EP300: variants seen among roughly 807,000 people sequenced by gnomAD.
EP300 encodes histone acetyltransferase p300.
A neutral mutation model predicts 264.0 loss-of-function variants in EP300; 31 were observed. The observed-to-expected ratio is 0.12, with a 90% CI of 0.09 to 0.16. The LOEUF is 0.16. Ranked by LOEUF, EP300 falls within the 10% of genes least tolerant of loss-of-function variation. EP300 has a pLI of 1.00. For missense variants in EP300, 2,766 were observed against 3,052.9 expected (o/e 0.91, Z 2.21); for synonymous variants, 1,340 against 1,045.4 (o/e 1.28, Z -5.44).
At chr22:41,121,338 T>TA (rs1268847407) in intron 2 of EP300, among the ~76,000 whole-genome samples, 2 of 152,132 alleles carry the variant, frequency 1.3e-5, no homozygotes, top group African/African-American at 4.8e-5. Context: ...CAAATAACTA[T>TA]AGTGTAGCAG....
rs148522826 is a variant in EP300, at chr22:41,122,976, T to C, written c.730-2888T>C. On this transcript the variant is annotated intron_variant, in intron 2 of 30. Coordinates refer to ENST00000263253, the MANE Select transcript of EP300 (RefSeq NM_001429.4). ...GCTTGAGCCCAGAGGTTGGGAATTA[T>C]AATGAGCTATGATAATGCAACTGCA... Among the ~76,000 whole-genome samples the C allele has an allele frequency of 4.3e-3, 652 of 152,220 alleles. 3 individuals are homozygous for C. Among genetic ancestry groups the C allele is most frequent in the Non-Finnish European group, 7.5e-3 (509 of 67,998 alleles).
intron 4 of EP300, among the ~76,000 whole-genome samples, chr22:41,128,727 C>A (rs535123039): frequency 1.3e-5 from 2 of 151,762 alleles, no homozygotes; most frequent in African/African-American, 2.4e-5. Context: ...TGGCCAGGAT[C>A]GTCTCAATCT....
intron 7 of EP300, 22 bp from the exon 8 acceptor site, chr22:41,137,631 A>G (rs1330939953): frequency 1.2e-6 from 2 of 1,614,108 alleles, no homozygotes; most frequent in Non-Finnish European, 1.7e-6. Flanking sequence ...CACTAAAACT[A>G]TTTGGTGACC....
In EP300 at chr22:41,178,446, T is replaced by C. The variant is rs919535545; in HGVS notation, c.6735T>C (p.Leu2245=). The C allele has an allele frequency of 1.2e-6, 2 of 1,613,768 alleles. No homozygotes were observed. The highest frequency in any genetic ancestry group is 1.3e-5 in the African/African-American group (1 of 74,796). ...GAAATATGGGACAGATAGGCCAGCT[T>C]CCCCAGGCCTTGGGAGCAGAGGCAG... ...QQGNMGQIGQ[L]PQALGAEAGA... Residue 2245 remains leucine (L), a synonymous_variant, in exon 31 of 31, where the codon CTT becomes CTC. Coordinates refer to ENST00000263253, the MANE Select transcript of EP300 (RefSeq NM_001429.4).
chr22:41,163,030 C>A (rs574653508), intron 21 of EP300, among the ~76,000 whole-genome samples: 22 of 152,270 alleles, frequency 1.4e-4, no homozygotes, highest in African/African-American at 4.6e-4. Context: ...TGCAGTGAGG[C>A]CTTTTAGATC....
chr22:41,174,648 C>T (rs2059189973), intron 29 of EP300: 1 of 151,756 alleles, frequency 6.6e-6, no homozygotes, highest in African/African-American at 2.4e-5. Flanking sequence ...AGAGTAATTC[C>T]TCTCAGGGTT....
chr22:41,099,438 T>C (rs1229242856), intron 1 of EP300, among the ~76,000 whole-genome samples: 1 of 152,198 alleles, frequency 6.6e-6, no homozygotes, highest in African/African-American at 2.4e-5. Flanking sequence ...TGAATATAAT[T>C]GTCATCAGTC....
At chr22:41,143,003 T>C (rs552571516) in intron 10 of EP300, among the ~76,000 whole-genome samples, 2 of 152,220 alleles carry the variant, frequency 1.3e-5, no homozygotes, top group Non-Finnish European at 2.9e-5. Context: ...TATTCTAATG[T>C]CAGTATAAAC....
intron 19 of EP300, chr22:41,159,070 G>T (rs758370602): frequency 6.5e-6 from 1 of 154,028 alleles, no homozygotes; most frequent in Non-Finnish European, 1.4e-5. Context: ...AATAAACGAG[G>T]CACCTCTGCC....
chr22:41,178,032 C>T lies in EP300; in HGVS notation c.6321C>T (p.Pro2107=). 2 of 1,614,020 alleles carry T rather than the reference C, an allele frequency of 1.2e-6. No individual in the cohort carries two copies. Among genetic ancestry groups the T allele is most frequent in the South Asian group, 1.1e-5 (1 of 91,070 alleles). ...CCATCCCTGGGCAGCCTGGCATGCC[C>T]CAGGGGCAGCCAGGGCTACAGCCAC... ...PQPIPGQPGM[P]QGQPGLQPPT... Residue 2107 remains proline, a synonymous_variant, in exon 31 of 31, where the codon CCC becomes CCT. Transcript: ENST00000263253.
chr22:41,171,068 A>C (rs1487419537), intron 27 of EP300, among the ~76,000 whole-genome samples: 1 of 151,334 alleles, frequency 6.6e-6, no homozygotes, highest in African/African-American at 2.4e-5. Flanking sequence ...AAAATTTTTC[A>C]ATATAAGAAA....
intron 1 of EP300, among the ~76,000 whole-genome samples, chr22:41,108,249 T>TC (rs199973884): frequency 0.015 from 1,967 of 130,028 alleles, 29 homozygotes; most frequent in African/African-American, 0.068. Context: ...TTTTTCTTTT[T>TC]TTTTTTTTTT....
intron 8 of EP300, 118 bp downstream of exon 8, chr22:41,137,908 T>G: frequency 1.5e-6 from 2 of 1,358,500 alleles, no homozygotes; most frequent in Non-Finnish European, 1.0e-6. Context: ...GCATGGAGGT[T>G]GATGTTGATA....
At chr22:41,163,367 G>A (rs1276677277) in intron 21 of EP300, among the ~76,000 whole-genome samples, 5 of 145,778 alleles carry the variant, frequency 3.4e-5, no homozygotes, top group South Asian at 2.2e-4. Context: ...CCTGGGAGGC[G>A]GAGCTTGCAG....
intron 6 of EP300, among the ~76,000 whole-genome samples, chr22:41,132,797 T>C (rs974092020): frequency 2.0e-5 from 3 of 152,182 alleles, no homozygotes; most frequent in African/African-American, 7.2e-5. Flanking sequence ...TCCTGTTTTA[T>C]GACTGAGAGG....
At chr22:41,144,781 G>A (rs116441152) in intron 10 of EP300, among the ~76,000 whole-genome samples, 73 of 152,154 alleles carry the variant, frequency 4.8e-4, no homozygotes, top group African/African-American at 1.5e-3. Context: ...CATCATATGG[G>A]GCAAATGTGG....
chr22:41,114,123 G>A (rs752589733), intron 1 of EP300, among the ~76,000 whole-genome samples: 1 of 152,134 alleles, frequency 6.6e-6, no homozygotes, highest in Non-Finnish European at 1.5e-5. Context: ...ATATTAAGCA[G>A]GCATTTTTGA....
chr22:41,171,963 T>C (rs1446107066), intron 27 of EP300, among the ~76,000 whole-genome samples: 3 of 152,206 alleles, frequency 2.0e-5, no homozygotes, highest in Non-Finnish European at 4.4e-5. Context: ...ATATAGGTTG[T>C]CTCATGATAC....
chr22:41,149,034 T>TG lies in EP300; in HGVS notation c.2242-4_2242-3insG. 6.2e-7 allele frequency: 1 copy of TG among 1,612,868 alleles called. No homozygotes were observed. The highest frequency in any genetic ancestry group is 2.2e-5 in the East Asian group (1 of 44,884). ...TGGTGATTTGTGTTTTTTTTTTTTT[T>TG]CAGCCTATGGGCTATGGGCCTCGTA... On this transcript the variant is annotated splice_polypyrimidine_tract_variant and splice_region_variant and intron_variant, in intron 12 of 30. Transcript: ENST00000263253.
Sources: gnomAD v4.1 joint callset for allele counts (sites outside exome capture counted in the v4.1 genomes callset) on GRCh38, gnomAD v4.1.1 for gene constraint, MANE v1.5 for transcripts, NCBI Gene and HGNC (gene_info 2026-07-23, HGNC 2026-07-21) for gene names.